Variants in MARK1 observed in about 807,000 individuals in gnomAD.
The protein encoded by MARK1 is microtubule affinity regulating kinase 1.
In MARK1, 40 loss-of-function variants were observed where a neutral mutation model predicts 96.3. The ratio of observed to expected loss-of-function variants is 0.42; its 90% CI spans 0.32 to 0.54. MARK1 has a LOEUF of 0.54. Ranked by LOEUF, MARK1 falls within the 20% of genes least tolerant of loss-of-function variation. The probability of loss-of-function intolerance (pLI) is 0.16; values close to 1 mark genes in which losing one functional copy is unlikely to be tolerated. For synonymous variants in MARK1, 317 were observed against 341.2 expected, an observed-to-expected ratio of 0.93 and a Z score of 0.78; for missense variants, 719 against 984.6, an observed-to-expected ratio of 0.73 and a Z score of 3.61.
At chr1:220,628,143 A>G (rs1376515900) in intron 9 of MARK1, 1 of 152,234 alleles carries the variant, frequency 6.6e-6, no homozygotes, top group Admixed American at 6.5e-5. Context: ...TGTTTGCTGT[A>G]TCTGGTGACT....
chr1:220,615,689 T>G (rs1666703466), intron 6 of MARK1, among the ~76,000 whole-genome samples: 1 of 152,174 alleles, frequency 6.6e-6, no homozygotes, highest in Non-Finnish European at 1.5e-5. Flanking sequence ...ATATGAAATC[T>G]TCACAGCCTC....
chr1:220,622,106 G>C (rs1489230623), intron 9 of MARK1, among the ~76,000 whole-genome samples: 1 of 151,996 alleles, frequency 6.6e-6, no homozygotes, highest in African/African-American at 2.4e-5. Flanking sequence ...TCATAATGAG[G>C]GCATTATGAT....
At chr1:220,604,246 C>A (rs918269694) in intron 6 of MARK1, 109 bp downstream of exon 6, 2 of 553,210 alleles carry the variant, frequency 3.6e-6, no homozygotes, top group East Asian at 3.1e-5. Context: ...AAGAAGAATT[C>A]CTGCTTTCTT....
intron 13 of MARK1, among the ~76,000 whole-genome samples, chr1:220,650,235 C>T (rs542102383): frequency 3.3e-5 from 5 of 152,188 alleles, no homozygotes; most frequent in South Asian, 2.1e-4. Flanking sequence ...CTTCACTGCC[C>T]GAGGCTCCTG....
intron 13 of MARK1, among the ~76,000 whole-genome samples, chr1:220,643,935 G>T (rs1572224481): frequency 6.6e-6 from 1 of 152,142 alleles, no homozygotes; most frequent in South Asian, 2.1e-4. Flanking sequence ...ACATGGATAG[G>T]AAAATTTGTT....
At chr1:220,571,251 T>C (rs1206531804) in intron 1 of MARK1, among the ~76,000 whole-genome samples, 3 of 152,178 alleles carry the variant, frequency 2.0e-5, no homozygotes, top group Admixed American at 2.0e-4. Flanking sequence ...TATTGAATGA[T>C]AATGCATGTA....
At chr1:220,611,355 C>T (rs765372074) in intron 6 of MARK1, among the ~76,000 whole-genome samples, 2 of 152,244 alleles carry the variant, frequency 1.3e-5, no homozygotes, top group Non-Finnish European at 2.9e-5. Flanking sequence ...GTGAGCAAGG[C>T]TCCGTGGGCG....
chr1:220,539,211 T>C (rs1660951937), intron 1 of MARK1, among the ~76,000 whole-genome samples: 1 of 152,058 alleles, frequency 6.6e-6, no homozygotes, highest in Non-Finnish European at 1.5e-5. Flanking sequence ...GGGTTTGTCA[T>C]AGATAGCTCT....
At chr1:220,589,691 A>G (rs950648504) in intron 3 of MARK1, among the ~76,000 whole-genome samples, 3 of 152,230 alleles carry the variant, frequency 2.0e-5, no homozygotes, top group Admixed American at 6.5e-5. Flanking sequence ...GCCTACAGCA[A>G]ACCTGAAACA....
chr1:220,626,324 C>G (rs1303816228), intron 9 of MARK1: 1 of 546,610 alleles, frequency 1.8e-6, no homozygotes, highest in African/African-American at 1.9e-5. Flanking sequence ...ATGACTATGT[C>G]TTCTCCTAAG....
chr1:220,653,237 G>A lies in MARK1; in HGVS notation c.1873G>A (p.Val625Ile), dbSNP rs369987878. Residue 625 changes from valine to isoleucine, a missense_variant, in exon 16 of 18, where the codon GTT becomes ATT. By Grantham distance (29) the Val-to-Ile change is conservative. Coordinates refer to ENST00000366917, the MANE Select transcript of MARK1 (RefSeq NM_018650.5). ...TGAACAGCTCCGGGAGCGACGCAGC[G>A]TTGCTTATAATGGGCCACCTGCTTC... ...HGEQLRERRS[V>I]AYNGPPASPS... 5.9e-5 allele frequency: 95 copies of A among 1,614,162 alleles called. No individual in the cohort carries two copies. The highest frequency in any genetic ancestry group is 3.6e-4 in the African/African-American group (27 of 75,036).
At chr1:220,544,523 C>T (rs1661352462) in intron 1 of MARK1, among the ~76,000 whole-genome samples, 1 of 152,194 alleles carries the variant, frequency 6.6e-6, no homozygotes, top group African/African-American at 2.4e-5. Flanking sequence ...TCACGAGATG[C>T]CAGCCCCTTG....
chr1:220,567,880 A>G (rs1663168630), intron 1 of MARK1, among the ~76,000 whole-genome samples: 1 of 152,104 alleles, frequency 6.6e-6, no homozygotes, highest in Admixed American at 6.6e-5. Context: ...CCTCTTAATT[A>G]CCACATGGCC....
At position 220,626,522 on chromosome 1, in the gene MARK1, T is replaced by G; in HGVS notation, c.910-4513T>G. ...GGGGACTGGTTAGGTTGCTTCAATC[T>G]GATCATCAAAGCACATGCTGGCCTG... On this transcript the variant is annotated intron_variant, in intron 9 of 17. Coordinates refer to ENST00000366917, the MANE Select transcript of MARK1 (RefSeq NM_018650.5). 7.7e-6 allele frequency: 4 copies of G among 517,050 alleles called. 1 individual carries two copies. Among genetic ancestry groups the G allele is most frequent in the South Asian group, 5.8e-5 (4 of 68,878 alleles). 32.0% of individuals were successfully genotyped at this position (517,050 alleles called of 1,614,324 possible).
Position 220,662,289 on chromosome 1 carries a change from G to A in MARK1, c.*123G>A. On this transcript the variant is annotated 3_prime_UTR_variant, in exon 18 of 18. Transcript: ENST00000366917. The stretch of plus-strand genomic sequence containing the variant: ...TCCCCATGTAGAATTTGCCCTTAAT[G>A]CAATAAGGTTATACATAGTTATGAA... 1 of 672,924 alleles carries A rather than the reference G, an allele frequency of 1.5e-6. No individual in the cohort carries two copies. The highest frequency in any genetic ancestry group is 2.8e-5 in the Admixed American group (1 of 35,270). The allele number at this position is 672,924 out of a possible 1,614,324, so 41.7% of individuals were successfully genotyped here.
chr1:220,595,204 T>C (rs1403588448), intron 3 of MARK1, among the ~76,000 whole-genome samples: 1 of 152,202 alleles, frequency 6.6e-6, no homozygotes, highest in Non-Finnish European at 1.5e-5. Context: ...ATCATAGATA[T>C]GTATATGTAT....
chr1:220,572,264 A>T (rs1366168311), intron 1 of MARK1, among the ~76,000 whole-genome samples: 1 of 151,696 alleles, frequency 6.6e-6, no homozygotes, highest in African/African-American at 2.4e-5. Context: ...TTTTGGAGAC[A>T]GAGTTTCAGT....
intron 16 of MARK1, among the ~76,000 whole-genome samples, 175 bp downstream of exon 16, chr1:220,653,527 T>A (rs1301692814): frequency 6.6e-6 from 1 of 152,108 alleles, no homozygotes; most frequent in Non-Finnish European, 1.5e-5. Context: ...TATTTTTCCT[T>A]AAGAGAGAGA....
At chr1:220,606,731 T>G (rs1032156528) in intron 6 of MARK1, among the ~76,000 whole-genome samples, 8 of 152,356 alleles carry the variant, frequency 5.3e-5, no homozygotes, top group Non-Finnish European at 1.2e-4. Context: ...GTTTCAGCTT[T>G]CTACATATGG....
Sources: allele counts gnomAD v4.1 joint callset (sites outside exome capture counted in the v4.1 genomes callset), GRCh38; gene constraint gnomAD v4.1.1; transcripts MANE v1.5; gene names NCBI Gene and HGNC (gene_info 2026-07-23, HGNC 2026-07-21).